MAML2: variants seen among roughly 807,000 people sequenced by gnomAD.
MAML2 encodes the protein mastermind-like protein 2.
Under a neutral mutation model 96.1 loss-of-function variants are expected in MAML2, and 22 were observed. The observed-to-expected ratio is 0.23, with a 90% CI of 0.16 to 0.33. The LOEUF (loss-of-function observed/expected upper bound fraction) is 0.33, where lower values mean the gene tolerates loss of function less well. MAML2 is among the 10% of genes least tolerant of loss of function. MAML2 has a pLI of 1.00. For synonymous variants in MAML2, 561 were observed against 521.3 expected (o/e 1.08, Z -1.04); for missense variants, 1,367 against 1,392.4 (o/e 0.98, Z 0.29).
chr11:96,265,745 G>A (rs866121741), intron 1 of MAML2, among the ~76,000 whole-genome samples: 1 of 152,182 alleles, frequency 6.6e-6, no homozygotes, highest in African/African-American at 2.4e-5. Context: ...GGCCACTGAC[G>A]GGCAAAACAA....
At chr11:96,252,618 G>T (rs1862599933) in intron 1 of MAML2, among the ~76,000 whole-genome samples, 1 of 152,004 alleles carries the variant, frequency 6.6e-6, no homozygotes, top group African/African-American at 2.4e-5. Flanking sequence ...TAGAGACGGG[G>T]TTTCACCATG....
intron 1 of MAML2, among the ~76,000 whole-genome samples, chr11:96,174,308 C>T (rs1591054842): frequency 6.6e-6 from 1 of 152,200 alleles, no homozygotes; most frequent in African/African-American, 2.4e-5. Flanking sequence ...TGAACACTCC[C>T]CCAGGACACT....
At position 96,092,613 on chromosome 11, in the gene MAML2, C is replaced by A. The variant is rs779839045; in HGVS notation, c.1418G>T (p.Gly473Val). Residue 473 changes from glycine to valine, a missense_variant, in exon 2 of 5, where the codon GGT becomes GTT. By Grantham distance (109) the Gly-to-Val change is moderately radical. Coordinates refer to ENST00000524717, the MANE Select transcript of MAML2 (RefSeq NM_032427.4). This position sits in a 1 kb window ranked among gnomAD's most constrained non-coding sequence, Gnocchi z 4.1. The stretch of plus-strand genomic sequence containing the variant: ...GGGGATTTTCTCCTGCCCAAATGGA[C>A]CTGGTGATGGTCCAGCAGAAGAGGG... ...ALPSSAGPSP[G>V]PFGQEKIPSP... 10 of 1,612,948 alleles carry A rather than the reference C, an allele frequency of 6.2e-6. No individual in the cohort carries two copies. Among genetic ancestry groups the A allele is most frequent in the Non-Finnish European group, 8.5e-6 (10 of 1,179,238 alleles).
In MAML2 at chr11:96,314,952, A is replaced by G. The variant is rs368018703; in HGVS notation, c.513+26431T>C. On this transcript the variant is annotated intron_variant, in intron 1 of 4. Coordinates refer to ENST00000524717, the MANE Select transcript of MAML2 (RefSeq NM_032427.4). ...CAGTGAGGAATTGTATTCTTACTCC[A>G]CAATTTAAAAGGCCAAACATTTGTC... is the stretch of plus-strand genomic sequence containing the variant. Among the ~76,000 whole-genome samples the G allele has an allele frequency of 2.6e-5, 4 of 152,336 alleles. No homozygotes were observed. The East Asian group carries it at 7.7e-4, about 29-fold the overall frequency.
At chr11:96,255,898 A>T (rs1591099231) in intron 1 of MAML2, among the ~76,000 whole-genome samples, 1 of 98,246 alleles carries the variant, frequency 1.0e-5, no homozygotes, top group Non-Finnish European at 1.9e-5. Context: ...TTTGAGACAG[A>T]GTTTTGCTCT....
rs1052001938 is a variant in MAML2 at position 96,039,676 on chromosome 11, G to A, written c.2140-47953C>T. ...GAAAAGAGATCATCGGCCGGGCGCG[G>A]TGGCTCACGCCTGTAATCCCAGCAC... On this transcript the variant is annotated intron_variant, in intron 2 of 4. Transcript: ENST00000524717. Among the ~76,000 whole-genome samples the A allele has an allele frequency of 2.0e-5, 3 of 150,256 alleles. No homozygotes were observed. The Admixed American group carries it at 2.0e-4, about 10-fold the overall frequency.
Position 95,979,381 on chromosome 11 carries a change from G to A in MAML2, c.3038C>T (p.Ala1013Val). The A allele has an allele frequency of 1.2e-6, 2 of 1,613,678 alleles. No individual in the cohort carries two copies. Among genetic ancestry groups the A allele is most frequent in the Non-Finnish European group, 1.7e-6 (2 of 1,179,764 alleles). ...AVGSQQFSQRAVAPPNQLTPA... is the reference protein window; with the variant it reads ...AVGSQQFSQRVVAPPNQLTPA... ...TGTTAACTGGTTAGGAGGAGCCACTGCCCTCTGGGAAAATTGCTGGCTACC... is the reference window on the plus strand; with the variant it reads ...TGTTAACTGGTTAGGAGGAGCCACTACCCTCTGGGAAAATTGCTGGCTACC... The change falls in exon 5 of 5, where the codon GCA becomes GTA. Residue 1013 changes from alanine to valine, a missense_variant. Physicochemically the swap from Ala to Val is moderately conservative, Grantham distance 64. Coordinates refer to ENST00000524717, the MANE Select transcript of MAML2 (RefSeq NM_032427.4).
At chr11:96,229,553 G>A (rs1366489886) in intron 1 of MAML2, among the ~76,000 whole-genome samples, 1 of 147,760 alleles carries the variant, frequency 6.8e-6, no homozygotes, top group Admixed American at 6.8e-5. Context: ...TAACCAGACT[G>A]CAAGCATCCT....
chr11:96,229,414 C>T (rs567012105), intron 1 of MAML2, among the ~76,000 whole-genome samples: 3 of 151,276 alleles, frequency 2.0e-5, no homozygotes, highest in Non-Finnish European at 4.4e-5. Flanking sequence ...TCCCCCAAGG[C>T]CTTTCACACC....
At chr11:96,186,557 C>G (rs979352478) in intron 1 of MAML2, among the ~76,000 whole-genome samples, 1 of 152,028 alleles carries the variant, frequency 6.6e-6, no homozygotes, top group Non-Finnish European at 1.5e-5. Context: ...CCATTGCACT[C>G]CAGCCTGGGC....
chr11:96,201,034 G>GT (rs1025885324), intron 1 of MAML2, among the ~76,000 whole-genome samples: 2 of 151,944 alleles, frequency 1.3e-5, no homozygotes, highest in African/African-American at 4.8e-5. Flanking sequence ...AAAAGCTTCT[G>GT]TTTTTTAATA....
At chr11:96,167,682 C>T (rs969789122) in intron 1 of MAML2, among the ~76,000 whole-genome samples, 3 of 152,314 alleles carry the variant, frequency 2.0e-5, no homozygotes, top group East Asian at 3.9e-4. Context: ...ACAAAATCTC[C>T]TCCCGATTCT....
At chr11:96,303,595 C>G (rs970080092) in intron 1 of MAML2, among the ~76,000 whole-genome samples, 1 of 152,240 alleles carries the variant, frequency 6.6e-6, no homozygotes, top group South Asian at 2.1e-4. Flanking sequence ...GTCTATTTTC[C>G]TTTCCTCCTT....
chr11:95,985,556 A>G lies in MAML2; in HGVS notation c.2430T>C (p.Asn810=), dbSNP rs1209480286. Residue 810 remains asparagine, a synonymous_variant, in exon 4 of 5, where the codon AAT becomes AAC. Transcript: ENST00000524717. ...CAGAATACTGAGCAGTTGGTTGCAT[A>G]TTGCCCACATTTCTTCTTTGGTCTT... ...DYKDQRRNVG[N]MQPTAQYSGG... The G allele has an allele frequency of 1.9e-6, 3 of 1,610,668 alleles. No homozygotes were observed. The highest frequency in any genetic ancestry group is 2.5e-6 in the Non-Finnish European group (3 of 1,177,530).
intron 2 of MAML2, among the ~76,000 whole-genome samples, chr11:96,020,669 G>A (rs926326411): frequency 6.6e-6 from 1 of 152,210 alleles, no homozygotes; most frequent in Admixed American, 6.5e-5. Flanking sequence ...ACACTACTGT[G>A]AGCTAAGGTG....
intron 1 of MAML2, among the ~76,000 whole-genome samples, chr11:96,182,815 C>T (rs1266434839): frequency 6.6e-6 from 1 of 152,106 alleles, no homozygotes; most frequent in African/African-American, 2.4e-5. Flanking sequence ...TTTGCTCTCG[C>T]TGGAGAAGGA....
At chr11:96,080,238 G>A (rs753725885) in intron 2 of MAML2, among the ~76,000 whole-genome samples, 5 of 152,068 alleles carry the variant, frequency 3.3e-5, no homozygotes, top group African/African-American at 9.7e-5. Context: ...TAATGGATAC[G>A]GCCTAAAGTT....
chr11:96,135,469 A>G (rs544973819), intron 1 of MAML2, among the ~76,000 whole-genome samples: 7 of 151,740 alleles, frequency 4.6e-5, no homozygotes, highest in Admixed American at 3.9e-4. Context: ...CAGAGGAAGA[A>G]GCTGATACTT....
At chr11:96,046,213 A>G (rs1169297178) in intron 2 of MAML2, among the ~76,000 whole-genome samples, 1 of 152,068 alleles carries the variant, frequency 6.6e-6, no homozygotes, top group South Asian at 2.1e-4. Context: ...AATGAGAAGC[A>G]TATGCCGCCA....
Sources: allele counts gnomAD v4.1 joint callset (sites outside exome capture counted in the v4.1 genomes callset), GRCh38; gene constraint gnomAD v4.1.1; non-coding constraint Gnocchi (gnomAD v3.1); transcripts MANE v1.5; gene names NCBI Gene and HGNC (gene_info 2026-07-23, HGNC 2026-07-21).